OPRM1: variants seen among roughly 807,000 people sequenced by gnomAD.
OPRM1 encodes mu-type opioid receptor.
A neutral mutation model predicts 31.8 loss-of-function variants in OPRM1; 27 were observed. That is an observed-to-expected ratio of 0.85 (90% confidence interval 0.63 to 1.17). The LOEUF (loss-of-function observed/expected upper bound fraction) is 1.17, where lower values mean the gene tolerates loss of function less well. Ranked by LOEUF, OPRM1 falls within the 50% of genes most tolerant of loss-of-function variation. The probability of loss-of-function intolerance (pLI) is 0.00; values close to 1 mark genes in which losing one functional copy is unlikely to be tolerated. For synonymous variants in OPRM1, 196 were observed against 189.9 expected (o/e 1.03, Z -0.26); for missense variants, 536 against 511.1 (o/e 1.05, Z -0.47).
chr6:154,094,534 C>T (rs1387838523), intron 3 of OPRM1, among the ~76,000 whole-genome samples: 2 of 152,190 alleles, frequency 1.3e-5, no homozygotes, highest in Non-Finnish European at 2.9e-5. Flanking sequence ...TGGGCTTGCT[C>T]GGAGGGCAGC....
intron 3 of OPRM1, chr6:154,216,955 A>T: frequency 6.1e-6 from 1 of 163,468 alleles, no homozygotes; most frequent in Non-Finnish European, 1.3e-5. Flanking sequence ...ACCTGACCCA[A>T]AAAACCCCAT....
At chr6:154,040,812 A>C (rs968318496) in intron 1 of OPRM1, among the ~76,000 whole-genome samples, 1 of 152,170 alleles carries the variant, frequency 6.6e-6, no homozygotes, top group Non-Finnish European at 1.5e-5. Context: ...TATATTTGGC[A>C]GAGTGTGGAA....
intron 3 of OPRM1, among the ~76,000 whole-genome samples, chr6:154,142,040 C>T (rs1455119155): frequency 6.6e-6 from 1 of 152,176 alleles, no homozygotes; most frequent in African/African-American, 2.4e-5. Flanking sequence ...CCAGAGTGCT[C>T]AAGCATTTGA....
chr6:154,100,459 A>G (rs1794667104), intron 3 of OPRM1, among the ~76,000 whole-genome samples: 1 of 151,732 alleles, frequency 6.6e-6, no homozygotes, highest in South Asian at 2.1e-4. Context: ...GAAATTAACC[A>G]TCTTGTCTTT....
At chr6:154,063,509 T>A (rs1475235560) in intron 1 of OPRM1, among the ~76,000 whole-genome samples, 1 of 152,020 alleles carries the variant, frequency 6.6e-6, no homozygotes, top group African/African-American at 2.4e-5. Flanking sequence ...AACATAAAGT[T>A]TCCATTTTAA....
chr6:154,222,491 T>G (rs890546978), intron 3 of OPRM1, among the ~76,000 whole-genome samples: 6 of 152,112 alleles, frequency 3.9e-5, no homozygotes, highest in African/African-American at 1.4e-4. Flanking sequence ...AAGGTGAAAA[T>G]GGACACATAC....
intron 3 of OPRM1, among the ~76,000 whole-genome samples, chr6:154,228,889 AAAAC>A (rs1319023893): frequency 3.9e-5 from 6 of 152,344 alleles, no homozygotes; most frequent in African/African-American, 9.6e-5. Flanking sequence ...ACCCAGTCTC[AAAAC>A]AAACAAACAA....
At chr6:154,059,600 G>T (rs193187247) in intron 1 of OPRM1, among the ~76,000 whole-genome samples, 3 of 151,888 alleles carry the variant, frequency 2.0e-5, no homozygotes, top group Admixed American at 1.3e-4. Context: ...AAAAAATTCC[G>T]GTTTTAAGAA....
At chr6:154,231,110 G>T (rs550194209) in intron 3 of OPRM1, among the ~76,000 whole-genome samples, 1 of 152,320 alleles carries the variant, frequency 6.6e-6, no homozygotes, top group South Asian at 2.1e-4. Context: ...GAGCTGAGCT[G>T]CCCATTCTCA....
At chr6:154,036,052 C>T (rs1468392708), upstream of OPRM1, among the ~76,000 whole-genome samples, 1 of 151,976 alleles carries the variant, frequency 6.6e-6, no homozygotes, top group Non-Finnish European at 1.5e-5. Context: ...CTTGAACTTT[C>T]ACAACAGACT....
At chr6:154,020,813 T>A (rs533678156) in intron 1 of OPRM1, among the ~76,000 whole-genome samples, 12 of 152,266 alleles carry the variant, frequency 7.9e-5, no homozygotes, top group Non-Finnish European at 1.8e-4. Flanking sequence ...CATATGCTTA[T>A]TTGCCACGTG....
At chr6:154,153,162 T>C (rs1455433666) in intron 3 of OPRM1, among the ~76,000 whole-genome samples, 1 of 152,234 alleles carries the variant, frequency 6.6e-6, no homozygotes, top group Non-Finnish European at 1.5e-5. Context: ...ACTTTCATGC[T>C]TCTAGCTAAA....
intron 3 of OPRM1, among the ~76,000 whole-genome samples, chr6:154,184,032 C>CA (rs1234974201): frequency 6.6e-6 from 1 of 152,090 alleles, no homozygotes; most frequent in African/African-American, 2.4e-5. Flanking sequence ...CACTATGCTG[C>CA]ATATTCGATC....
At chr6:154,137,963 A>G (rs1296348232) in intron 3 of OPRM1, among the ~76,000 whole-genome samples, 1 of 152,250 alleles carries the variant, frequency 6.6e-6, no homozygotes, top group African/African-American at 2.4e-5. Flanking sequence ...ATTTGTTTCC[A>G]ACTAACATGG....
At chr6:154,238,138 T>C (rs1780286598) in intron 3 of OPRM1, among the ~76,000 whole-genome samples, 1 of 152,204 alleles carries the variant, frequency 6.6e-6, no homozygotes, top group African/African-American at 2.4e-5. Context: ...AGTGAGACAA[T>C]CAAGTGACAA....
intron 1 of OPRM1, among the ~76,000 whole-genome samples, 191 bp downstream of exon 1, chr6:154,040,025 A>C (rs1239207579): frequency 3.3e-5 from 5 of 152,118 alleles, no homozygotes; most frequent in African/African-American, 1.2e-4. Flanking sequence ...TTTTTTCTTC[A>C]ACTGATAAAG....
At position 154,056,156 on chromosome 6, in the gene OPRM1, G is replaced by T. The variant is rs576618557; in HGVS notation, c.290+16322G>T. ...TCTTTTTGTTTTGAGACGGAGTCTT[G>T]CTCTGTCACCAGGCTGGAGTGCAGA... On this transcript the variant is annotated intron_variant, in intron 1 of 3. Coordinates refer to ENST00000330432, the MANE Select transcript of OPRM1 (RefSeq NM_000914.5). Among the ~76,000 whole-genome samples the T allele has an allele frequency of 3.3e-3, 494 of 151,452 alleles. 1 individual carries two copies. Among genetic ancestry groups the T allele is most frequent in the African/African-American group, 0.012 (481 of 41,284 alleles).
At chr6:154,213,079 A>G (rs1778099469) in intron 3 of OPRM1, 3 of 513,426 alleles carry the variant, frequency 5.8e-6, no homozygotes, top group Admixed American at 6.4e-5. Context: ...TCCAATATGC[A>G]GGAAGAAGAC....
At chr6:154,105,560 CAA>C (rs967217802) in intron 3 of OPRM1, among the ~76,000 whole-genome samples, 3 of 152,088 alleles carry the variant, frequency 2.0e-5, no homozygotes, top group African/African-American at 7.2e-5. Context: ...AGGATTAAAA[CAA>C]GACAACAATT....
Sources: allele counts gnomAD v4.1 joint callset (sites outside exome capture counted in the v4.1 genomes callset), GRCh38; gene constraint gnomAD v4.1.1; transcripts MANE v1.5; gene names NCBI Gene and HGNC (gene_info 2026-07-23, HGNC 2026-07-21).